Variants in GALNT13 observed in about 807,000 individuals in gnomAD.
The protein encoded by GALNT13 is UDP-GalNAc:polypeptide N-acetylgalactosaminyltransferase 13.
In GALNT13, 28 loss-of-function variants were observed where a neutral mutation model predicts 64.2. The ratio of observed to expected loss-of-function variants is 0.44; its 90% CI spans 0.32 to 0.60. The LOEUF is 0.60. GALNT13 is among the 20% of genes least tolerant of loss of function. GALNT13 has a pLI of 0.05. For missense variants in GALNT13, 577 were observed against 669.8 expected (o/e 0.86, Z 1.53); for synonymous variants, 214 against 224.6 (o/e 0.95, Z 0.42).
chr2:154,291,050 A>G (rs747128436), intron 8 of GALNT13, among the ~76,000 whole-genome samples: 17 of 152,200 alleles, frequency 1.1e-4, no homozygotes, highest in South Asian at 4.2e-4. Context: ...AGCAAGATCT[A>G]TCGTGAAGAG....
chr2:153,772,609 T>C, the GALNT13 span, among the ~76,000 whole-genome samples: 1 of 152,242 alleles, frequency 6.6e-6, no homozygotes, highest in Admixed American at 6.5e-5. Context: ...TGTTTTGCTA[T>C]TTCCAAGTGG....
rs368351391 is a variant in GALNT13 at position 154,156,240 on chromosome 2, G to A, written c.311+15735G>A. Among the ~76,000 whole-genome samples the A allele has an allele frequency of 1.8e-4, 27 of 151,924 alleles. No homozygotes were observed. In the East Asian group the frequency reaches 5.0e-3, roughly 28 times the overall value. ...TTTTATCATCATACTATATAAAATG[G>A]CGTTGAATTTCACCATATAAATTCT... is the stretch of plus-strand genomic sequence containing the variant. On this transcript the variant is annotated intron_variant, in intron 4 of 12. Transcript: ENST00000392825.
At chr2:154,257,947 T>TA (rs1159943583) in intron 7 of GALNT13, among the ~76,000 whole-genome samples, 4 of 152,106 alleles carry the variant, frequency 2.6e-5, no homozygotes, top group Admixed American at 2.6e-4. Context: ...AGAAACTTTA[T>TA]ATAATACCAA....
intron 3 of GALNT13, among the ~76,000 whole-genome samples, chr2:153,969,371 T>C (rs1693596113): frequency 6.6e-6 from 1 of 152,158 alleles, no homozygotes; most frequent in African/African-American, 2.4e-5. Context: ...AAAAAATATG[T>C]GATTTACTTT....
chr2:154,138,501 A>G (rs888237837), intron 3 of GALNT13, among the ~76,000 whole-genome samples: 1 of 151,860 alleles, frequency 6.6e-6, no homozygotes, highest in Non-Finnish European at 1.5e-5. Context: ...AATGTTAAGA[A>G]TCAGAATATT....
intron 3 of GALNT13, among the ~76,000 whole-genome samples, chr2:154,040,618 G>A (rs896276389): frequency 1.4e-5 from 2 of 140,188 alleles, no homozygotes; most frequent in Non-Finnish European, 3.3e-5. Context: ...AATGTTTTGA[G>A]TGTTGTCCTT....
intron 4 of GALNT13, among the ~76,000 whole-genome samples, chr2:154,161,812 G>T (rs965227809): frequency 6.7e-6 from 1 of 149,966 alleles, no homozygotes. Flanking sequence ...AGACGGTCTC[G>T]CTCTGTTGCC....
At chr2:153,540,530 C>T in the GALNT13 span, among the ~76,000 whole-genome samples, 1 of 152,300 alleles carries the variant, frequency 6.6e-6, no homozygotes, top group Non-Finnish European at 1.5e-5. Context: ...CTCCAGACCC[C>T]AGAGTGGTAA....
intron 7 of GALNT13, among the ~76,000 whole-genome samples, chr2:154,251,740 C>T (rs1360876778): frequency 6.6e-6 from 1 of 152,172 alleles, no homozygotes; most frequent in Non-Finnish European, 1.5e-5. Flanking sequence ...TTACATTCAG[C>T]ATTTAATTAT....
chr2:153,766,518 G>A, the GALNT13 span, among the ~76,000 whole-genome samples: 40 of 151,922 alleles, frequency 2.6e-4, 1 homozygote. Flanking sequence ...TCTTGATGAT[G>A]TTCAGTAATT....
chr2:153,483,751 T>C, the GALNT13 span, among the ~76,000 whole-genome samples: 1 of 152,190 alleles, frequency 6.6e-6, no homozygotes, highest in Non-Finnish European at 1.5e-5. Context: ...ACAACATGTA[T>C]GAACCTTGAA....
the GALNT13 span, among the ~76,000 whole-genome samples, chr2:153,094,928 A>C: frequency 6.6e-6 from 1 of 152,250 alleles, no homozygotes; most frequent in Non-Finnish European, 1.5e-5. Flanking sequence ...CTAAAACCAT[A>C]AAAACCCTAG....
rs376719801 is a variant in GALNT13, at chr2:154,065,665, G to A, written c.143-74672G>A. ...GAGCCATAGCATTACTGGGTTTGGG[G>A]TCCCCCTAATGCAGATATGGCTGCA... is the stretch of plus-strand genomic sequence containing the variant. On this transcript the variant is annotated intron_variant, in intron 3 of 12. Coordinates refer to ENST00000392825, the MANE Select transcript of GALNT13 (RefSeq NM_052917.4). Among the ~76,000 whole-genome samples, 4 of 152,198 alleles carry A rather than the reference G, an allele frequency of 2.6e-5. No individual in the cohort carries two copies. The East Asian group carries it at 5.8e-4, about 22-fold the overall frequency.
the GALNT13 span, among the ~76,000 whole-genome samples, chr2:153,565,567 GA>G: frequency 2.6e-5 from 4 of 151,994 alleles, no homozygotes; most frequent in Admixed American, 1.3e-4. Context: ...CAAGTTCTTG[GA>G]AACTATGACT....
intron 3 of GALNT13, among the ~76,000 whole-genome samples, chr2:154,051,106 C>T (rs896444280): frequency 6.6e-6 from 1 of 152,024 alleles, no homozygotes; most frequent in Non-Finnish European, 1.5e-5. Context: ...TAATAATATC[C>T]ATCATATCAT....
intron 3 of GALNT13, among the ~76,000 whole-genome samples, chr2:154,124,228 A>T (rs1185862325): frequency 6.6e-6 from 1 of 152,016 alleles, no homozygotes; most frequent in East Asian, 1.9e-4. Flanking sequence ...AGGAAGCTGT[A>T]TATCTGTTAT....
At chr2:153,921,008 G>T (rs545668222) in intron 2 of GALNT13, among the ~76,000 whole-genome samples, 2 of 152,154 alleles carry the variant, frequency 1.3e-5, no homozygotes, top group Admixed American at 6.6e-5. Flanking sequence ...AAAAGGGAAC[G>T]CTTATACATT....
At chr2:153,411,478 G>A in the GALNT13 span, among the ~76,000 whole-genome samples, 2 of 152,136 alleles carry the variant, frequency 1.3e-5, no homozygotes, top group East Asian at 1.9e-4. Context: ...AGATAAAATC[G>A]GGAGTAGGCG....
At chr2:153,666,526 T>TA in the GALNT13 span, among the ~76,000 whole-genome samples, 3 of 152,110 alleles carry the variant, frequency 2.0e-5, no homozygotes, top group African/African-American at 7.2e-5. Flanking sequence ...TGCTTAACCT[T>TA]AAAGGGTCAG....
Sources: allele counts gnomAD v4.1 joint callset (sites outside exome capture counted in the v4.1 genomes callset), GRCh38; gene constraint gnomAD v4.1.1; transcripts MANE v1.5; gene names NCBI Gene and HGNC (gene_info 2026-07-23, HGNC 2026-07-21).